Variants in NKAIN2 observed in about 807,000 individuals in gnomAD.
NKAIN2 encodes sodium/potassium-transporting ATPase subunit beta-1-interacting protein 2.
In NKAIN2, 14 loss-of-function variants were observed where a neutral mutation model predicts 32.6. That is an observed-to-expected ratio of 0.43 (90% CI 0.28 to 0.67). The LOEUF is 0.67. Among genes scored for constraint, NKAIN2 ranks in the 30% least tolerant of loss-of-function variants. The pLI, the probability that NKAIN2 is intolerant of heterozygous loss-of-function variation, is 0.17. For synonymous variants in NKAIN2, 80 were observed against 87.2 expected (o/e 0.92, Z 0.46); for missense variants, 198 against 258.3 (o/e 0.77, Z 1.60).
At chr6:124,138,449 A>C (rs1786945838) in intron 1 of NKAIN2, among the ~76,000 whole-genome samples, 1 of 152,024 alleles carries the variant, frequency 6.6e-6, no homozygotes, top group Admixed American at 6.6e-5. Flanking sequence ...AAAGAACTAA[A>C]AGTAGAACTA....
chr6:124,527,004 C>G (rs1779344121), intron 3 of NKAIN2, among the ~76,000 whole-genome samples: 1 of 152,126 alleles, frequency 6.6e-6, no homozygotes, highest in South Asian at 2.1e-4. Context: ...TTAAGTACCA[C>G]AGTACTTAAC....
At chr6:124,480,753 A>G (rs1777411040) in intron 3 of NKAIN2, among the ~76,000 whole-genome samples, 1 of 151,940 alleles carries the variant, frequency 6.6e-6, no homozygotes, top group Non-Finnish European at 1.5e-5. Context: ...TCTATTTGCT[A>G]TTTGTTGCCG....
chr6:124,291,222 T>C (rs2114947325), intron 2 of NKAIN2, among the ~76,000 whole-genome samples: 1 of 152,258 alleles, frequency 6.6e-6, no homozygotes, highest in African/African-American at 2.4e-5. Context: ...AGAAGCAGTG[T>C]TACTGATGGC....
chr6:123,985,947 G>T (rs1779117601), intron 1 of NKAIN2, among the ~76,000 whole-genome samples: 1 of 152,154 alleles, frequency 6.6e-6, no homozygotes, highest in South Asian at 2.1e-4. Context: ...GAAAAAGTTA[G>T]GTATGACTGG....
chr6:124,034,881 G>A (rs1781544321), intron 1 of NKAIN2, among the ~76,000 whole-genome samples: 1 of 151,942 alleles, frequency 6.6e-6, no homozygotes, highest in Admixed American at 6.6e-5. Flanking sequence ...GTGATGTTGA[G>A]CATTTTTTCA....
At chr6:124,460,778 T>A (rs1776501637) in intron 3 of NKAIN2, among the ~76,000 whole-genome samples, 1 of 151,760 alleles carries the variant, frequency 6.6e-6, no homozygotes, top group African/African-American at 2.4e-5. Context: ...TCTGGAAAAT[T>A]ATTAATCATT....
intron 1 of NKAIN2, among the ~76,000 whole-genome samples, chr6:124,255,383 A>G (rs143888601): frequency 5.9e-5 from 9 of 152,360 alleles, no homozygotes. Flanking sequence ...TCTAATTTCA[A>G]ACATTTCTTT....
intron 3 of NKAIN2, among the ~76,000 whole-genome samples, chr6:124,525,651 T>C (rs898581106): frequency 6.6e-6 from 1 of 152,166 alleles, no homozygotes; most frequent in Admixed American, 6.5e-5. Flanking sequence ...TTAATTTTAA[T>C]TTCTTCACAA....
chr6:124,157,611 C>T (rs1017330002), intron 1 of NKAIN2, among the ~76,000 whole-genome samples: 31 of 152,144 alleles, frequency 2.0e-4, no homozygotes, highest in African/African-American at 7.2e-4. Flanking sequence ...GTCAACTGTT[C>T]TCCCTTGAGT....
chr6:124,228,186 C>T (rs182998052), intron 1 of NKAIN2, among the ~76,000 whole-genome samples: 55 of 152,278 alleles, frequency 3.6e-4, no homozygotes, highest in Non-Finnish European at 2.2e-4. Context: ...GAAACCTAAA[C>T]TTCAGTTTGA....
intron 1 of NKAIN2, among the ~76,000 whole-genome samples, chr6:123,931,718 A>G (rs1230642718): frequency 6.6e-6 from 1 of 152,180 alleles, no homozygotes; most frequent in Non-Finnish European, 1.5e-5. Flanking sequence ...TCTAAAAAGT[A>G]AGAGAACAAT....
intron 3 of NKAIN2, among the ~76,000 whole-genome samples, chr6:124,386,885 A>G (rs1343921200): frequency 6.6e-6 from 1 of 152,132 alleles, no homozygotes; most frequent in Non-Finnish European, 1.5e-5. Context: ...GTAACACATC[A>G]ATGATTTTAC....
intron 3 of NKAIN2, among the ~76,000 whole-genome samples, chr6:124,515,819 TAGC>T (rs1778891917): frequency 2.0e-4 from 1 of 4,986 alleles, no homozygotes; most frequent in African/African-American, 7.2e-4. Flanking sequence ...GCCTCCCGAG[TAGC>T]TGGGACTACA....
chr6:124,469,898 A>G (rs1050737585), intron 3 of NKAIN2, among the ~76,000 whole-genome samples: 1 of 152,122 alleles, frequency 6.6e-6, no homozygotes, highest in Admixed American at 6.6e-5. Context: ...TGAAGACCAT[A>G]ACCACACTGC....
intron 4 of NKAIN2, among the ~76,000 whole-genome samples, chr6:124,790,846 C>A (rs568572565): frequency 1.3e-5 from 2 of 152,156 alleles, no homozygotes; most frequent in African/African-American, 4.8e-5. Flanking sequence ...ACTCAGTATG[C>A]CCTGGCTCCT....
rs181445426 is a variant in NKAIN2 at position 124,543,504 on chromosome 6, C to T, written c.274-114682C>T. Among the ~76,000 whole-genome samples, 168 of 152,062 alleles carry T rather than the reference C, an allele frequency of 1.1e-3. 1 individual carries two copies. The Middle Eastern group carries it at 0.024, about 22-fold the overall frequency. On this transcript the variant is annotated intron_variant, in intron 3 of 6. Coordinates refer to ENST00000368417, the MANE Select transcript of NKAIN2 (RefSeq NM_001040214.3). ...GACCCAATTTGATGTTTAATTCTTA[C>T]GGGGAAAATCTTACCATTGACTAGT...
intron 3 of NKAIN2, among the ~76,000 whole-genome samples, chr6:124,559,440 G>A (rs1173478956): frequency 3.9e-5 from 6 of 152,112 alleles, no homozygotes; most frequent in African/African-American, 1.2e-4. Flanking sequence ...AGCCTTCAGC[G>A]ATAGACGATT....
At chr6:124,815,134 A>C (rs890935392) in intron 5 of NKAIN2, among the ~76,000 whole-genome samples, 8 of 150,784 alleles carry the variant, frequency 5.3e-5, no homozygotes, top group African/African-American at 1.9e-4. Context: ...CTAGTCCTTA[A>C]TTTAGTCTCA....
At position 124,398,252 on chromosome 6, in the gene NKAIN2, C is replaced by CAAAAAAAA. The variant is rs869039720; in HGVS notation, c.273+42928_273+42935dup. Among the ~76,000 whole-genome samples, 175 of 69,054 alleles carry CAAAAAAAA rather than the reference C, an allele frequency of 2.5e-3. 4 individuals carry two copies. Among genetic ancestry groups the CAAAAAAAA allele is most frequent in the African/African-American group, 5.8e-3 (75 of 12,914 alleles). 45.3% of individuals were successfully genotyped at this position (69,054 alleles called of 152,430 possible). ...TGGGTGACAGAGAGAGACTGCATCT[C>CAAAAAAAA]AAAAAAAAAAAAAAAAAAAAAAAAA... is the stretch of plus-strand genomic sequence containing the variant. On this transcript the variant is annotated intron_variant, in intron 3 of 6. Coordinates refer to ENST00000368417, the MANE Select transcript of NKAIN2 (RefSeq NM_001040214.3).
Sources: gnomAD v4.1 joint callset for allele counts (sites outside exome capture counted in the v4.1 genomes callset) on GRCh38, gnomAD v4.1.1 for gene constraint, MANE v1.5 for transcripts, NCBI Gene and HGNC (gene_info 2026-07-23, HGNC 2026-07-21) for gene names.